The following PRRG1 variants were observed in gnomAD, a reference collection of about 807,000 sequenced individuals.
PRRG1 encodes the protein proline rich and Gla domain 1.
PRRG1 carries 5 observed loss-of-function variants against 11.8 expected under a neutral mutation model. The observed-to-expected ratio is 0.42, with a 90% CI of 0.22 to 0.89. The LOEUF (loss-of-function observed/expected upper bound fraction) is 0.89. PRRG1 is among the 40% of genes least tolerant of loss of function. PRRG1 has a pLI of 0.28. For missense variants in PRRG1, 155 were observed against 166.1 expected (o/e 0.93, Z 0.37); for synonymous variants, 66 against 60.4 (o/e 1.09, Z -0.43).
chrX:37,393,765 T>C (rs1182815847), intron 1 of PRRG1, among the ~76,000 whole-genome samples: 1 of 112,328 alleles, frequency 8.9e-6, no homozygotes, highest in Admixed American at 9.5e-5. Flanking sequence ...GCAGATGCCT[T>C]ATTCACCATT....
chrX:37,440,993 T>C, intron 3 of PRRG1: 1 of 807,908 alleles, frequency 1.2e-6, no homozygotes, highest in South Asian at 3.9e-5. Flanking sequence ...GGTCTCAAAC[T>C]CCTGGACTCA....
intron 3 of PRRG1, among the ~76,000 whole-genome samples, chrX:37,439,267 G>T (rs1932931670): frequency 8.9e-6 from 1 of 111,959 alleles, no homozygotes; most frequent in Non-Finnish European, 1.9e-5. Flanking sequence ...TATTAAGATA[G>T]TATCCAATTC....
chrX:37,435,634 C>G (rs1423147892), intron 3 of PRRG1, among the ~76,000 whole-genome samples: 1 of 110,773 alleles, frequency 9.0e-6, no homozygotes, highest in Non-Finnish European at 1.9e-5. Flanking sequence ...AAACTCATAA[C>G]CCCAGTCTAA....
At chrX:37,419,200 AACAT>A (rs1932589666) in intron 2 of PRRG1, among the ~76,000 whole-genome samples, 1 of 112,409 alleles carries the variant, frequency 8.9e-6, no homozygotes, top group Non-Finnish European at 1.9e-5. Flanking sequence ...TGATTATCTA[AACAT>A]ACATATCTGT....
rs56857980 is a variant in PRRG1 at position 37,379,031 on chromosome X, C to CTT, written c.-41-27152_-41-27151dup. 5.4e-3 allele frequency among the ~76,000 whole-genome samples: 154 copies of CTT among 28,760 alleles called. 16 individuals are homozygous for CTT. Among genetic ancestry groups the CTT allele is most frequent in the African/African-American group, 0.021 (132 of 6,244 alleles). The allele number at this position is 28,760 out of a possible 115,157, so 25.0% of individuals were successfully genotyped here. ...TATATTGAATTGCGACATCTTTTTG[C>CTT]TTTTTTTTTTTTTTTTTTTTTTTTT... On this transcript the variant is annotated intron_variant, in intron 1 of 3. Coordinates refer to ENST00000378628, the MANE Select transcript of PRRG1 (RefSeq NM_001142395.2).
intron 1 of PRRG1, among the ~76,000 whole-genome samples, chrX:37,357,420 C>G (rs1930273193): frequency 8.9e-6 from 1 of 111,951 alleles, no homozygotes; most frequent in Admixed American, 9.5e-5. Context: ...TACAAAGGAG[C>G]TCAATTGCTG....
At chrX:37,370,589 G>A (rs1556370547) in intron 1 of PRRG1, among the ~76,000 whole-genome samples, 1 of 111,215 alleles carries the variant, frequency 9.0e-6, no homozygotes, top group Non-Finnish European at 1.9e-5. Flanking sequence ...CCTCCTGGGT[G>A]CAGCTGCAAC....
At chrX:37,402,395 C>T (rs1278334940) in intron 1 of PRRG1, among the ~76,000 whole-genome samples, 10 of 111,726 alleles carry the variant, frequency 9.0e-5, no homozygotes, top group Non-Finnish European at 1.7e-4. Context: ...AAAGGATTCC[C>T]TATTTAATAA....
At chrX:37,421,500 A>C (rs1932660085) in intron 2 of PRRG1, among the ~76,000 whole-genome samples, 1 of 111,722 alleles carries the variant, frequency 9.0e-6, no homozygotes, top group Non-Finnish European at 1.9e-5. Flanking sequence ...GTGATCACTC[A>C]ATTTAAGGAA....
At chrX:37,442,030 C>T (rs782759326) in intron 3 of PRRG1, 2 of 771,340 alleles carry the variant, frequency 2.6e-6, no homozygotes, top group Admixed American at 7.7e-5. Flanking sequence ...GGCAGAGTAC[C>T]TGTTTGACAA....
At chrX:37,358,925 C>T (rs1930329926) in intron 1 of PRRG1, among the ~76,000 whole-genome samples, 2 of 111,454 alleles carry the variant, frequency 1.8e-5, no homozygotes, top group African/African-American at 3.2e-5. Flanking sequence ...GGAGATCTTG[C>T]TCATCGCTGA....
intron 1 of PRRG1, among the ~76,000 whole-genome samples, chrX:37,399,597 C>A (rs1931874770): frequency 2.0e-5 from 2 of 101,893 alleles, no homozygotes. Flanking sequence ...CACCAGCTAA[C>A]ATCATAATGA....
intron 1 of PRRG1, among the ~76,000 whole-genome samples, chrX:37,403,295 C>A (rs1192249233): frequency 9.1e-6 from 1 of 109,705 alleles, no homozygotes; most frequent in African/African-American, 3.3e-5. Flanking sequence ...GAATACTATG[C>A]AGCCATAAAA....
At chrX:37,380,538 G>A (rs1931120893) in intron 1 of PRRG1, among the ~76,000 whole-genome samples, 1 of 111,129 alleles carries the variant, frequency 9.0e-6, no homozygotes. Flanking sequence ...GGACTCATTG[G>A]GTTTTTAATG....
At chrX:37,377,733 G>A (rs782777614) in intron 1 of PRRG1, among the ~76,000 whole-genome samples, 23 of 112,019 alleles carry the variant, frequency 2.1e-4, no homozygotes, top group African/African-American at 7.4e-4. Context: ...TAAAAGAGAT[G>A]TAGTGTGGAA....
intron 1 of PRRG1, among the ~76,000 whole-genome samples, chrX:37,381,655 T>C (rs1931158103): frequency 9.0e-6 from 1 of 111,628 alleles, no homozygotes; most frequent in East Asian, 2.8e-4. Flanking sequence ...TTTTCTCAAA[T>C]GCTTATTTTT....
In PRRG1 at chrX:37,433,165, T is replaced by C. The variant is rs372659971; in HGVS notation, c.171+7165T>C. On this transcript the variant is annotated intron_variant, in intron 3 of 3. Coordinates refer to ENST00000378628, the MANE Select transcript of PRRG1 (RefSeq NM_001142395.2). The stretch of plus-strand genomic sequence containing the variant: ...CAGCAGGTTAGAGTGATCCTTTAAA[T>C]TCTCTTACTTGCAAGGGCTTCCCAT... Among the ~76,000 whole-genome samples the C allele has an allele frequency of 1.1e-3, 124 of 111,778 alleles. 2 individuals carry two copies. Among genetic ancestry groups the C allele is most frequent in the African/African-American group, 3.8e-3 (116 of 30,792 alleles).
At chrX:37,409,868 C>T (rs1602012957) in intron 2 of PRRG1, among the ~76,000 whole-genome samples, 1 of 112,009 alleles carries the variant, frequency 8.9e-6, no homozygotes, top group East Asian at 2.8e-4. Flanking sequence ...AAAAAACACA[C>T]TTGGATAACT....
chrX:37,422,060 G>A (rs782682199), intron 2 of PRRG1, among the ~76,000 whole-genome samples: 1 of 111,657 alleles, frequency 9.0e-6, no homozygotes, highest in East Asian at 2.8e-4. Flanking sequence ...TGGATTAGAA[G>A]CTTTGTGTCC....
Sources: gnomAD v4.1 joint callset for allele counts (sites outside exome capture counted in the v4.1 genomes callset) on GRCh38, gnomAD v4.1.1 for gene constraint, MANE v1.5 for transcripts, NCBI Gene and HGNC (gene_info 2026-07-23, HGNC 2026-07-21) for gene names.